The following ROBO1 variants were observed in gnomAD, a reference collection of about 807,000 sequenced individuals.
ROBO1 encodes the protein roundabout guidance receptor 1, also known as roundabout homolog 1.
ROBO1 carries 149 observed loss-of-function variants against 195.9 expected under a neutral mutation model. The ratio of observed to expected loss-of-function variants is 0.76; its 90% CI spans 0.67 to 0.87. ROBO1 has a LOEUF of 0.87. Ranked by LOEUF, ROBO1 falls within the 40% of genes least tolerant of loss-of-function variation. ROBO1 has a pLI of 0.00. For synonymous variants in ROBO1, 816 were observed against 733.2 expected, an observed-to-expected ratio of 1.11 and a Z score of -1.82; for missense variants, 1,933 against 2,068.3, an observed-to-expected ratio of 0.93 and a Z score of 1.27.
At chr3:79,458,155 T>A (rs942197178) in intron 2 of ROBO1, among the ~76,000 whole-genome samples, 2 of 151,920 alleles carry the variant, frequency 1.3e-5, no homozygotes, top group Non-Finnish European at 1.5e-5. Context: ...GCCTAGAAGA[T>A]GAAATAAAGG....
chr3:78,746,756 T>A lies in ROBO1; in HGVS notation c.644A>T (p.Asp215Val), dbSNP rs749280806. 1 of 1,534,316 alleles carries A rather than the reference T, an allele frequency of 6.5e-7. No individual in the cohort carries two copies. The highest frequency in any genetic ancestry group is 1.9e-5 in the Admixed American group (1 of 53,918). Reference sequence around the variant, plus strand: ...TTAAATACTCACAGTTATTCTTTCATCTTTATCATCCAGTGGAGAGCCATC... The same window carrying A: ...TTAAATACTCACAGTTATTCTTTCAACTTTATCATCCAGTGGAGAGCCATC... ...KKDGSPLDDKDERITIRGGKL... is the reference protein window; with the variant it reads ...KKDGSPLDDKVERITIRGGKL... The change falls in exon 5 of 31, where the codon GAT (aspartate) becomes GTT (valine). Residue 215 changes from aspartate (D) to valine (V), a missense_variant. This residue lies in a region of ROBO1 where 1,737 missense variants were observed against 1,882.5 expected (regional missense o/e 0.92). Coordinates refer to ENST00000464233, the MANE Select transcript of ROBO1 (RefSeq NM_002941.4).
At chr3:79,322,014 A>AT (rs2034000703) in intron 2 of ROBO1, among the ~76,000 whole-genome samples, 1 of 152,184 alleles carries the variant, frequency 6.6e-6, no homozygotes. Context: ...CATTTTTAAA[A>AT]GGTCCTAAGA....
chr3:78,705,856 T>C (rs1477727667), intron 8 of ROBO1, among the ~76,000 whole-genome samples: 1 of 152,110 alleles, frequency 6.6e-6, no homozygotes, highest in Non-Finnish European at 1.5e-5. Flanking sequence ...AACCACCTGT[T>C]TTGCTGGTTC....
At chr3:78,826,434 A>AG (rs1485639685) in intron 4 of ROBO1, among the ~76,000 whole-genome samples, 2 of 152,178 alleles carry the variant, frequency 1.3e-5, no homozygotes, top group Non-Finnish European at 2.9e-5. Context: ...TTTTGAGGAA[A>AG]GGAGATTCTT....
intron 2 of ROBO1, among the ~76,000 whole-genome samples, chr3:79,443,563 A>C (rs1213584538): frequency 6.6e-6 from 1 of 152,166 alleles, no homozygotes; most frequent in Non-Finnish European, 1.5e-5. Flanking sequence ...AAATGAATTG[A>C]GAAATATAGC....
In ROBO1 at chr3:78,793,766, T is replaced by A. The variant is rs556470018; in HGVS notation, c.500-46866A>T. 2.1e-4 allele frequency among the ~76,000 whole-genome samples: 32 copies of A among 152,152 alleles called. No homozygotes were observed. In the East Asian group the frequency reaches 4.1e-3, roughly 19 times the overall value. ...TAATAAGATATTTAGTTTTTTTTTT[T>A]AATTTTGAGATAGTTTTGGCCATAT... On this transcript the variant is annotated intron_variant, in intron 4 of 30. Transcript: ENST00000464233.
chr3:79,626,260 C>G (rs1945175839), intron 1 of ROBO1, among the ~76,000 whole-genome samples: 1 of 152,068 alleles, frequency 6.6e-6, no homozygotes, highest in African/African-American at 2.4e-5. Context: ...TCCTGGTGAA[C>G]ATGGTGAAAC....
chr3:79,266,739 A>G (rs867566425), intron 2 of ROBO1, among the ~76,000 whole-genome samples: 59 of 151,748 alleles, frequency 3.9e-4, no homozygotes, highest in African/African-American at 1.3e-3. Context: ...TGAAGTTGTT[A>G]TAACTAACTG....
chr3:79,748,063 A>C (rs949109225), intron 1 of ROBO1, among the ~76,000 whole-genome samples: 9 of 152,148 alleles, frequency 5.9e-5, no homozygotes, highest in Non-Finnish European at 1.3e-4. Flanking sequence ...ACTACTGCAG[A>C]TTTTGTTAGA....
chr3:78,965,787 T>C (rs1409889321), intron 3 of ROBO1, among the ~76,000 whole-genome samples: 1 of 152,132 alleles, frequency 6.6e-6, no homozygotes, highest in Non-Finnish European at 1.5e-5. Flanking sequence ...GGAGCAAAAA[T>C]TCTGGGTTCT....
In ROBO1 at chr3:78,696,679, T is replaced by C. The variant is rs181288635; in HGVS notation, c.1046-7907A>G. ...ACATATATATACACATATATATACA[T>C]GTATACATACATATATATATACACA... is the stretch of plus-strand genomic sequence containing the variant. On this transcript the variant is annotated intron_variant, in intron 8 of 30. Transcript: ENST00000464233. Among the ~76,000 whole-genome samples, 1,071 of 146,644 alleles carry C rather than the reference T, an allele frequency of 7.3e-3. 18 individuals carry two copies. The highest frequency in any genetic ancestry group is 0.023 in the African/African-American group (941 of 40,668).
chr3:79,759,562 G>C (rs1704581935), intron 1 of ROBO1, among the ~76,000 whole-genome samples: 1 of 152,150 alleles, frequency 6.6e-6, no homozygotes, highest in South Asian at 2.1e-4. Flanking sequence ...CTAAAACTAA[G>C]TAAATGACGC....
chr3:79,762,609 A>AACACACAC (rs60977072), intron 1 of ROBO1, among the ~76,000 whole-genome samples: 6,574 of 146,650 alleles, frequency 0.045, 429 homozygotes, highest in African/African-American at 0.15. Flanking sequence ...ATTCTGGACA[A>AACACACAC]ACACACACAC....
chr3:79,412,614 A>G (rs1419037022), intron 2 of ROBO1, among the ~76,000 whole-genome samples: 2 of 152,136 alleles, frequency 1.3e-5, no homozygotes, highest in Admixed American at 1.3e-4. Flanking sequence ...CATGATAAAA[A>G]TGCCTCTGGA....
chr3:78,939,243 C>G (rs570579437), intron 3 of ROBO1, among the ~76,000 whole-genome samples: 1 of 152,234 alleles, frequency 6.6e-6, no homozygotes, highest in South Asian at 2.1e-4. Context: ...TCCATTTCTG[C>G]AGAGGAATGT....
chr3:78,685,685 C>T, intron 10 of ROBO1, 61 bp downstream of exon 10: 1 of 1,206,114 alleles, frequency 8.3e-7, no homozygotes. Flanking sequence ...TATCTACTGG[C>T]ACCCTCTCTG....
At chr3:79,214,053 T>A (rs1164770431) in intron 2 of ROBO1, among the ~76,000 whole-genome samples, 1 of 152,016 alleles carries the variant, frequency 6.6e-6, no homozygotes, top group East Asian at 1.9e-4. Context: ...CTCGAATTCC[T>A]GACCTCAAGT....
At chr3:78,745,154 A>G (rs2082626632) in intron 5 of ROBO1, among the ~76,000 whole-genome samples, 1 of 151,930 alleles carries the variant, frequency 6.6e-6, no homozygotes, top group Admixed American at 6.6e-5. Context: ...CTAAAAATAC[A>G]AAAATTAGCT....
chr3:79,708,267 G>C (rs1038503537), intron 1 of ROBO1, among the ~76,000 whole-genome samples: 1 of 152,110 alleles, frequency 6.6e-6, no homozygotes, highest in Non-Finnish European at 1.5e-5. Context: ...TTTACAGACT[G>C]AGAAGATAAC....
Sources: gnomAD v4.1 joint callset for allele counts (sites outside exome capture counted in the v4.1 genomes callset) on GRCh38, gnomAD v4.1.1 for gene constraint, gnomAD v4.1.1 regional missense constraint, MANE v1.5 for transcripts, NCBI Gene and HGNC (gene_info 2026-07-23, HGNC 2026-07-21) for gene names.